Variants in CYRIB observed in about 807,000 individuals in gnomAD.
CYRIB encodes CYFIP-related Rac1 interactor B.
CYRIB carries 8 observed loss-of-function variants against 44.2 expected under a neutral mutation model. The ratio of observed to expected loss-of-function variants is 0.18; its 90% confidence interval spans 0.11 to 0.33. CYRIB has a LOEUF of 0.33. Among genes scored for constraint, CYRIB ranks in the 10% least tolerant of loss-of-function variants. The pLI, the probability that CYRIB is intolerant of heterozygous loss-of-function variation, is 1.00. For synonymous variants in CYRIB, 131 were observed against 127.2 expected (o/e 1.03, Z -0.20); for missense variants, 185 against 382.8 (o/e 0.48, Z 4.31).
chr8:130,011,469 T>C (rs12676169), intron 1 of CYRIB, among the ~76,000 whole-genome samples: 94,914 of 150,696 alleles, frequency 0.63, 30,412 homozygotes, highest in African/African-American at 0.75. Context: ...TGCGGTGAGC[T>C]GAGATCATGC....
At chr8:129,853,506 TAG>T (rs2044461875) in intron 7 of CYRIB, among the ~76,000 whole-genome samples, 1 of 152,222 alleles carries the variant, frequency 6.6e-6, no homozygotes, top group Non-Finnish European at 1.5e-5. Flanking sequence ...ACTCCTTACA[TAG>T]TTACAGTATT....
At chr8:129,909,412 C>A (rs757236672) in intron 1 of CYRIB, among the ~76,000 whole-genome samples, 39 of 152,118 alleles carry the variant, frequency 2.6e-4, no homozygotes, top group Non-Finnish European at 4.4e-4. Flanking sequence ...CTTCTAATTT[C>A]TTTTATGTAT....
chr8:129,929,246 G>C (rs923487826), intron 1 of CYRIB, among the ~76,000 whole-genome samples: 5 of 152,114 alleles, frequency 3.3e-5, no homozygotes, highest in Non-Finnish European at 7.4e-5. Flanking sequence ...GAGTGAGGGA[G>C]AGAGTGTGAG....
intron 1 of CYRIB, among the ~76,000 whole-genome samples, chr8:129,977,557 G>A (rs1179403030): frequency 6.6e-6 from 1 of 150,980 alleles, no homozygotes; most frequent in Non-Finnish European, 1.5e-5. Context: ...TTTGAGACGG[G>A]GTCTCGCTCT....
chr8:129,872,811 C>T (rs2057813407), intron 3 of CYRIB, among the ~76,000 whole-genome samples: 1 of 151,936 alleles, frequency 6.6e-6, no homozygotes, highest in African/African-American at 2.4e-5. Context: ...TCTTTGTCTA[C>T]CAATCATATA....
At chr8:130,010,585 C>T (rs1221527488) in intron 1 of CYRIB, among the ~76,000 whole-genome samples, 1 of 152,210 alleles carries the variant, frequency 6.6e-6, no homozygotes, top group Non-Finnish European at 1.5e-5. Context: ...CTAGGCCCTC[C>T]TGGGCTTATT....
chr8:129,911,760 A>C (rs1298107501), intron 1 of CYRIB, among the ~76,000 whole-genome samples: 1 of 152,200 alleles, frequency 6.6e-6, no homozygotes, highest in Non-Finnish European at 1.5e-5. Flanking sequence ...CAAGGGCTAA[A>C]TTAAAAGGCT....
chr8:129,880,030 A>C (rs1351271028), intron 2 of CYRIB, among the ~76,000 whole-genome samples: 6 of 152,180 alleles, frequency 3.9e-5, no homozygotes, highest in African/African-American at 1.4e-4. Context: ...CAAGGTATGC[A>C]GCACAATTCT....
chr8:129,932,444 TG>T (rs2091786993), intron 1 of CYRIB, among the ~76,000 whole-genome samples: 4 of 152,280 alleles, frequency 2.6e-5, no homozygotes, highest in Admixed American at 2.6e-4. Flanking sequence ...AGAAAAGATC[TG>T]GGTTCCCTTA....
At chr8:129,868,314 C>T (rs965524532) in intron 4 of CYRIB, among the ~76,000 whole-genome samples, 1 of 152,188 alleles carries the variant, frequency 6.6e-6, no homozygotes, top group African/African-American at 2.4e-5. Context: ...GATTTAAATG[C>T]AGCTTTTCCG....
At chr8:129,999,342 T>A (rs1214537220) in intron 1 of CYRIB, among the ~76,000 whole-genome samples, 1 of 152,042 alleles carries the variant, frequency 6.6e-6, no homozygotes. Context: ...TCGGGATCCC[T>A]GTCCACAGGG....
intron 1 of CYRIB, among the ~76,000 whole-genome samples, chr8:129,934,887 A>G (rs761804095): frequency 3.9e-5 from 6 of 152,356 alleles, no homozygotes; most frequent in Middle Eastern, 3.4e-3. Context: ...GACCTTAGTT[A>G]TAGATTAAAA....
chr8:129,886,891 C>T (rs2062979760), intron 2 of CYRIB, among the ~76,000 whole-genome samples: 1 of 152,172 alleles, frequency 6.6e-6, no homozygotes, highest in South Asian at 2.1e-4. Flanking sequence ...CAGCCTCCTC[C>T]TACAATCTCT....
intron 3 of CYRIB, among the ~76,000 whole-genome samples, chr8:129,877,044 C>T (rs2133728252): frequency 6.6e-6 from 1 of 152,210 alleles, no homozygotes; most frequent in South Asian, 2.1e-4. Context: ...TAAGCTTTTA[C>T]AAACGCATAT....
chr8:129,842,301 C>A, intron 11 of CYRIB, 96 bp from the exon 14 acceptor site: 2 of 815,990 alleles, frequency 2.5e-6, no homozygotes, highest in South Asian at 1.5e-5. Flanking sequence ...TTGGTCTCAG[C>A]AAAACTCACA....
At chr8:129,938,730 C>A (rs757468591) in intron 1 of CYRIB, among the ~76,000 whole-genome samples, 5 of 152,166 alleles carry the variant, frequency 3.3e-5, no homozygotes, top group African/African-American at 4.8e-5. Flanking sequence ...GAGGAGGAAT[C>A]CAGAGGAGTA....
At chr8:129,964,104 C>A (rs2095380868) in intron 2 of CYRIB, among the ~76,000 whole-genome samples, 1 of 152,146 alleles carries the variant, frequency 6.6e-6, no homozygotes, top group African/African-American at 2.4e-5. Flanking sequence ...ACAATAACAA[C>A]AATAAAAAGC....
intron 4 of CYRIB, among the ~76,000 whole-genome samples, chr8:129,866,804 G>A (rs1307222387): frequency 6.6e-6 from 1 of 152,174 alleles, no homozygotes; most frequent in Non-Finnish European, 1.5e-5. Context: ...TAGAACTGAA[G>A]ACACTGGCTG....
At chr8:129,993,036 G>A (rs370838873) in intron 1 of CYRIB, among the ~76,000 whole-genome samples, 2 of 152,172 alleles carry the variant, frequency 1.3e-5, no homozygotes, top group African/African-American at 4.8e-5. Flanking sequence ...GGCAAGGCTG[G>A]GGTCAGCAGG....
Sources: gnomAD v4.1 joint callset for allele counts (sites outside exome capture counted in the v4.1 genomes callset) on GRCh38, gnomAD v4.1.1 for gene constraint, MANE v1.5 for transcripts, NCBI Gene and HGNC (gene_info 2026-07-23, HGNC 2026-07-21) for gene names.